GRID1: variants seen among roughly 807,000 people sequenced by gnomAD.
GRID1 encodes the protein glutamate ionotropic receptor delta type subunit 1.
GRID1 carries 28 observed loss-of-function variants against 98.0 expected under a neutral mutation model. The ratio of observed to expected loss-of-function variants is 0.29; its 90% confidence interval spans 0.21 to 0.39. The LOEUF is 0.39. GRID1 is among the 10% of genes least tolerant of loss of function. The pLI, the probability that GRID1 is intolerant of heterozygous loss-of-function variation, is 1.00. For missense variants in GRID1, 1,111 were observed against 1,340.5 expected (o/e 0.83, Z 2.67); for synonymous variants, 553 against 538.5 (o/e 1.03, Z -0.37).
At chr10:85,613,382 G>A (rs1163244020) in intron 15 of GRID1, 25 bp downstream of exon 15, 2 of 1,599,218 alleles carry the variant, frequency 1.3e-6, no homozygotes, top group Non-Finnish European at 1.7e-6. Context: ...GCTGTGAAAG[G>A]GAGGGCAGGC....
intron 3 of GRID1, among the ~76,000 whole-genome samples, chr10:86,170,995 C>A (rs1035950365): frequency 6.6e-6 from 1 of 152,186 alleles, no homozygotes; most frequent in African/African-American, 2.4e-5. Flanking sequence ...CCGCCACCAC[C>A]CGTTCAGCGT....
At chr10:86,132,733 A>G (rs1373219761) in intron 4 of GRID1, among the ~76,000 whole-genome samples, 1 of 152,266 alleles carries the variant, frequency 6.6e-6, no homozygotes, top group Non-Finnish European at 1.5e-5. Flanking sequence ...TAAAAAGCAC[A>G]GTCTTTATAT....
At chr10:85,640,028 C>T (rs577781634) in intron 13 of GRID1, among the ~76,000 whole-genome samples, 7 of 152,236 alleles carry the variant, frequency 4.6e-5, no homozygotes, top group South Asian at 2.1e-4. Context: ...ACAGACCTTC[C>T]GCAAGTATCA....
intron 3 of GRID1, among the ~76,000 whole-genome samples, chr10:86,148,037 G>A (rs900036806): frequency 5.3e-5 from 8 of 152,198 alleles, no homozygotes; most frequent in African/African-American, 1.9e-4. Flanking sequence ...GCCTCCCTGT[G>A]GGACCTGCTG....
chr10:86,264,571 G>A, intron 2 of GRID1: 7 of 446,648 alleles, frequency 1.6e-5, no homozygotes, highest in South Asian at 1.1e-4. Flanking sequence ...GGAGAGCAAG[G>A]TTTCCACAAT....
At chr10:86,076,734 C>T (rs547473120) in intron 4 of GRID1, among the ~76,000 whole-genome samples, 2 of 151,520 alleles carry the variant, frequency 1.3e-5, no homozygotes, top group African/African-American at 4.8e-5. Flanking sequence ...TCATGGCGAG[C>T]AATCTGTTGG....
intron 12 of GRID1, among the ~76,000 whole-genome samples, chr10:85,652,137 C>T (rs1241835694): frequency 6.6e-6 from 1 of 152,180 alleles, no homozygotes; most frequent in Non-Finnish European, 1.5e-5. Context: ...CTAGGGAAGA[C>T]CCACCATGCA....
intron 2 of GRID1, among the ~76,000 whole-genome samples, chr10:86,263,382 G>T (rs1200132165): frequency 6.6e-6 from 1 of 152,174 alleles, no homozygotes; most frequent in Non-Finnish European, 1.5e-5. Context: ...CGGCAGCGGG[G>T]AGGATCCCGC....
chr10:86,093,775 T>C (rs963094576), intron 4 of GRID1, among the ~76,000 whole-genome samples: 4 of 152,108 alleles, frequency 2.6e-5, no homozygotes, highest in African/African-American at 9.6e-5. Flanking sequence ...AATCAAAGAA[T>C]TATTGGCATC....
At chr10:86,332,413 A>G (rs1323637930) in intron 2 of GRID1, among the ~76,000 whole-genome samples, 1 of 152,056 alleles carries the variant, frequency 6.6e-6, no homozygotes, top group African/African-American at 2.4e-5. Context: ...ACGCCTCTGA[A>G]GGGCCACTCA....
intron 8 of GRID1, among the ~76,000 whole-genome samples, chr10:85,770,141 C>T (rs1002168588): frequency 2.0e-5 from 3 of 152,174 alleles, no homozygotes; most frequent in African/African-American, 4.8e-5. Flanking sequence ...TCCAGAGGAA[C>T]GATCGGACAG....
At chr10:85,738,391 C>T (rs1455492883) in intron 8 of GRID1, among the ~76,000 whole-genome samples, 2 of 152,144 alleles carry the variant, frequency 1.3e-5, no homozygotes, top group African/African-American at 4.8e-5. Context: ...TACCAAGTGT[C>T]ACTGAGAATC....
intron 8 of GRID1, among the ~76,000 whole-genome samples, chr10:85,840,531 G>C (rs1316924885): frequency 2.0e-5 from 3 of 152,018 alleles, no homozygotes; most frequent in Non-Finnish European, 4.4e-5. Context: ...CAAATAGGAG[G>C]AGGAGAAGTT....
At chr10:85,727,303 C>T (rs1841771139) in intron 10 of GRID1, among the ~76,000 whole-genome samples, 1 of 152,142 alleles carries the variant, frequency 6.6e-6, no homozygotes, top group Non-Finnish European at 1.5e-5. Context: ...GACCCAGTGT[C>T]ATGAGATGAC....
chr10:85,932,557 T>G (rs991359389), intron 4 of GRID1, among the ~76,000 whole-genome samples: 1 of 152,200 alleles, frequency 6.6e-6, no homozygotes, highest in Non-Finnish European at 1.5e-5. Flanking sequence ...CTATCCACTG[T>G]TGTCTCCTCT....
chr10:86,255,402 C>T (rs961240111), intron 2 of GRID1, among the ~76,000 whole-genome samples: 2 of 152,158 alleles, frequency 1.3e-5, no homozygotes, highest in Non-Finnish European at 2.9e-5. Flanking sequence ...GGCTGGGTAG[C>T]ACTTTTAGAG....
At chr10:85,809,411 C>A (rs920490006) in intron 8 of GRID1, among the ~76,000 whole-genome samples, 4 of 152,106 alleles carry the variant, frequency 2.6e-5, no homozygotes, top group Admixed American at 6.5e-5. Flanking sequence ...TAGTCATACT[C>A]CCAAAACCAC....
chr10:86,058,528 C>T (rs1391021920), intron 4 of GRID1, among the ~76,000 whole-genome samples: 2 of 152,198 alleles, frequency 1.3e-5, no homozygotes, highest in African/African-American at 2.4e-5. Flanking sequence ...AAAGAAGTGA[C>T]ACATTGTATA....
intron 4 of GRID1, among the ~76,000 whole-genome samples, chr10:86,103,879 C>T (rs943925682): frequency 2.0e-5 from 3 of 152,194 alleles, no homozygotes; most frequent in African/African-American, 7.2e-5. Flanking sequence ...ATCAATCAGT[C>T]ATCCAGTGAC....
Sources: gnomAD v4.1 joint callset for allele counts (sites outside exome capture counted in the v4.1 genomes callset) on GRCh38, gnomAD v4.1.1 for gene constraint, MANE v1.5 for transcripts, NCBI Gene and HGNC (gene_info 2026-07-23, HGNC 2026-07-21) for gene names.